The following ZNF207 variants were observed in gnomAD, a reference collection of about 807,000 sequenced individuals.
ZNF207 encodes the protein zinc finger protein 207, also known as BUB3-interacting and GLEBS motif-containing protein ZNF207.
In ZNF207, 24 loss-of-function variants were observed where a neutral mutation model predicts 60.2. The ratio of observed to expected loss-of-function variants is 0.40; its 90% CI spans 0.29 to 0.56. The LOEUF is 0.56. ZNF207 is among the 20% of genes least tolerant of loss of function. ZNF207 has a pLI of 0.49. For missense variants in ZNF207, 452 were observed against 636.6 expected (o/e 0.71, Z 3.12); for synonymous variants, 236 against 194.7 (o/e 1.21, Z -1.77).
chr17:32,368,667 G>T (rs1055893799), intron 10 of ZNF207, among the ~76,000 whole-genome samples: 1 of 151,032 alleles, frequency 6.6e-6, no homozygotes, highest in Non-Finnish European at 1.5e-5. Context: ...CTCCAGCCTG[G>T]GCAACAGAGC....
Position 32,358,628 on chromosome 17 carries a change from A to G in ZNF207, c.294A>G (p.Glu98=). 1 of 1,503,768 alleles carries G rather than the reference A, an allele frequency of 6.6e-7. No individual in the cohort carries two copies. The highest frequency in any genetic ancestry group is 1.5e-5 in the African/African-American group (1 of 68,950). 93.2% of individuals were successfully genotyped at this position (1,503,768 alleles called of 1,614,324 possible). ...KDMDERRRLL[E]QKTQESQKKK... is the part of the protein sequence containing the mutation. Reference sequence around the variant, plus strand: ...TGGATGAAAGACGACGACTTCTTGAACAGAAAACACAAGGTAAATATTGGG... The same window carrying G: ...TGGATGAAAGACGACGACTTCTTGAGCAGAAAACACAAGGTAAATATTGGG... Residue 98 remains glutamate, a synonymous_variant, in exon 3 of 12, where the codon GAA becomes GAG. Transcript: ENST00000394670.
At position 32,350,157 on chromosome 17, in the gene ZNF207, G is replaced by A. The variant is rs1023054044; in HGVS notation, c.-129G>A. The A allele has an allele frequency of 1.9e-5, 28 of 1,479,616 alleles. No homozygotes were observed. Among genetic ancestry groups the A allele is most frequent in the East Asian group, 1.1e-4 (5 of 43,650 alleles). The allele number at this position is 1,479,616 out of a possible 1,614,324, so 91.7% of individuals were successfully genotyped here. On this transcript the variant is annotated 5_prime_UTR_variant, in exon 1 of 12. Coordinates refer to ENST00000394670, the MANE Select transcript of ZNF207 (RefSeq NM_001098507.2). ...GGGAGGCGGAGCGGGGAACGAGGCC[G>A]TCGGCCATTTTGTGTCTGCTTCCTG...
rs915409209 is a variant in ZNF207 at position 32,377,768 on chromosome 17, A to C, written c.*8009A>C. 6.6e-6 allele frequency: 1 copy of C among 152,070 alleles called. No homozygotes were observed. Among genetic ancestry groups the C allele is most frequent in the African/African-American group, 2.4e-5 (1 of 41,386 alleles). The allele number at this position is 152,070 out of a possible 1,614,324, so 9.4% of individuals were successfully genotyped here. On this transcript the variant is annotated 3_prime_UTR_variant, in exon 12 of 12. Transcript: ENST00000394670. ...TAGCTCATTCTAAATAGCCAATATA[A>C]GGTAACTTCTGTTTAAAAAAAAAAA...
At chr17:32,365,535 G>A in intron 8 of ZNF207, 48 bp downstream of exon 8, 3 of 1,570,438 alleles carry the variant, frequency 1.9e-6, no homozygotes, top group Non-Finnish European at 1.7e-6. Flanking sequence ...TAAAGATAAA[G>A]TACAGTTGTT....
intron 11 of ZNF207, 57 bp downstream of exon 11, chr17:32,369,511 A>G: frequency 6.2e-7 from 1 of 1,603,804 alleles, no homozygotes; most frequent in East Asian, 2.2e-5. Flanking sequence ...CACGCATAAA[A>G]TATTAAATTT....
Position 32,367,966 on chromosome 17 carries a change from A to T in ZNF207, c.1116A>T (p.Thr372=). Residue 372 remains threonine (T), a synonymous_variant, in exon 10 of 12, where the codon ACA becomes ACT. Coordinates refer to ENST00000394670, the MANE Select transcript of ZNF207 (RefSeq NM_001098507.2). ...CAAGTAAGCCTGCTACACTTACAAC[A>T]ACTAGTGCAACCAGTAAGTTGATCC... The part of the protein sequence containing the change: ...SITSKPATLT[T]TSATSKLIHP... 2 of 1,614,192 alleles carry T rather than the reference A, an allele frequency of 1.2e-6. No homozygotes were observed. The highest frequency in any genetic ancestry group is 1.7e-6 in the Non-Finnish European group (2 of 1,180,034).
chr17:32,350,931 G>C (rs2041494534), intron 1 of ZNF207: 4 of 151,220 alleles, frequency 2.6e-5, no homozygotes, highest in Admixed American at 2.6e-4. Context: ...CGTTCTCACA[G>C]GGCGGAGTTT....
intron 3 of ZNF207, among the ~76,000 whole-genome samples, chr17:32,359,594 G>C (rs1008733776): frequency 6.7e-6 from 1 of 148,236 alleles, no homozygotes; most frequent in Non-Finnish European, 1.5e-5. Context: ...CCCAGAGTTA[G>C]TATTTTCAAT....
chr17:32,373,318 TAA>T lies in ZNF207; in HGVS notation c.*3569_*3570del. The T allele has an allele frequency of 1.3e-5, 7 of 552,168 alleles. No individual in the cohort carries two copies. The highest frequency in any genetic ancestry group is 2.1e-5 in the South Asian group (1 of 48,092). The allele number at this position is 552,168 out of a possible 1,614,324, so 34.2% of individuals were successfully genotyped here. A position where few individuals can be genotyped will look rare whatever the true frequency, so the allele number is the denominator to read the frequency against. On this transcript the variant is annotated 3_prime_UTR_variant, in exon 12 of 12. Transcript: ENST00000394670. ...TTGCTTGCTTGATCATTGGGATTTTTAAAAAAAAAAATTTTAATGCATGTCTT... is the reference window on the plus strand; with the variant it reads ...TTGCTTGCTTGATCATTGGGATTTTTAAAAAAAAATTTTAATGCATGTCTT...
Position 32,373,317 on chromosome 17 carries a change from T to A in ZNF207, c.*3558T>A. ...TTTGCTTGCTTGATCATTGGGATTT[T>A]TAAAAAAAAAAATTTTAATGCATGT... On this transcript the variant is annotated 3_prime_UTR_variant, in exon 12 of 12. Transcript: ENST00000394670. 1.6e-6 allele frequency: 1 copy of A among 628,284 alleles called. No homozygotes were observed. The highest frequency in any genetic ancestry group is 2.6e-5 in the Admixed American group (1 of 38,422). The allele number at this position is 628,284 out of a possible 1,614,324, so 38.9% of individuals were successfully genotyped here.
At chr17:32,354,107 C>T (rs1344483941) in intron 2 of ZNF207, among the ~76,000 whole-genome samples, 2 of 152,042 alleles carry the variant, frequency 1.3e-5, no homozygotes, top group East Asian at 1.9e-4. Context: ...TCCTGAGTAC[C>T]TGGGACAACA....
At position 32,358,477 on chromosome 17, in the gene ZNF207, T is replaced by G. The variant is rs774585118; in HGVS notation, c.169-26T>G. 21 of 1,525,582 alleles carry G rather than the reference T, an allele frequency of 1.4e-5. No homozygotes were observed. The East Asian group carries it at 2.1e-4, about 15-fold the overall frequency. 94.5% of individuals were successfully genotyped at this position (1,525,582 alleles called of 1,614,324 possible). A position where few individuals can be genotyped will look rare whatever the true frequency, so the allele number is the denominator to read the frequency against. The stretch of plus-strand genomic sequence containing the variant: ...TGGAATTATTCTTAAAAAAGACTTT[T>G]ATCTAATGGAAATTGTTGTTGTTAG... On this transcript the variant is annotated intron_variant, in intron 2 of 11. Transcript: ENST00000394670.
rs10525886 is a variant in ZNF207, at chr17:32,367,239, TTATATATATATA to T, written c.922-498_922-487del. ...CCAGCCATTGTTAATTTGGAGGGGA[TTATATATATATA>T]TATATATATATATATATATATATAT... is the stretch of plus-strand genomic sequence containing the variant. On this transcript the variant is annotated intron_variant, in intron 9 of 11. Transcript: ENST00000394670. Among the ~76,000 whole-genome samples the T allele has an allele frequency of 3.9e-3, 127 of 32,188 alleles. 2 individuals are homozygous for T. Among genetic ancestry groups the T allele is most frequent in the South Asian group, 0.019 (13 of 702 alleles). The allele number at this position is 32,188 out of a possible 152,430, so 21.1% of individuals were successfully genotyped here.
chr17:32,356,292 T>G (rs564258411), intron 2 of ZNF207, among the ~76,000 whole-genome samples: 53 of 152,266 alleles, frequency 3.5e-4, no homozygotes, highest in African/African-American at 1.2e-3. Context: ...CTCAAAAATG[T>G]AGTGAAGATT....
chr17:32,360,183 C>T (rs200631199), intron 3 of ZNF207, among the ~76,000 whole-genome samples: 1 of 112,582 alleles, frequency 8.9e-6, no homozygotes, highest in East Asian at 2.0e-4. Flanking sequence ...TTTACCCCCC[C>T]CCCAAAAAAA....
At chr17:32,356,867 A>G (rs1357772760) in intron 2 of ZNF207, among the ~76,000 whole-genome samples, 1 of 152,220 alleles carries the variant, frequency 6.6e-6, no homozygotes, top group Non-Finnish European at 1.5e-5. Flanking sequence ...CCAGATTTTC[A>G]GTGTGTTGCA....
chr17:32,373,505 G>C lies in ZNF207; in HGVS notation c.*3746G>C, dbSNP rs1905554951. The stretch of plus-strand genomic sequence containing the variant: ...TAGGGGCTTTCACAGCTTTATGGCT[G>C]TTGGATATTTATGTCCCCAAACTTG... On this transcript the variant is annotated 3_prime_UTR_variant, in exon 12 of 12. Coordinates refer to ENST00000394670, the MANE Select transcript of ZNF207 (RefSeq NM_001098507.2). The C allele has an allele frequency of 2.0e-6, 1 of 494,594 alleles. No homozygotes were observed. Among genetic ancestry groups the C allele is most frequent in the Non-Finnish European group, 3.6e-6 (1 of 274,058 alleles). The allele number at this position is 494,594 out of a possible 1,614,324, so 30.6% of individuals were successfully genotyped here.
chr17:32,378,275 ATATGGAG>A lies in ZNF207; in HGVS notation c.*8518_*8524del. 6.6e-6 allele frequency: 1 copy of A among 152,138 alleles called. No individual in the cohort carries two copies. Among genetic ancestry groups the A allele is most frequent in the Non-Finnish European group, 1.5e-5 (1 of 67,898 alleles). 9.4% of individuals were successfully genotyped at this position (152,138 alleles called of 1,614,324 possible). A position where few individuals can be genotyped will look rare whatever the true frequency, so the allele number is the denominator to read the frequency against. The stretch of plus-strand genomic sequence containing the variant: ...TTGGCTATGCCCTTGTTGATAGATG[ATATGGAG>A]TCCAGGGCTTTGGGTCCAGGGTCTT... On this transcript the variant is annotated 3_prime_UTR_variant, in exon 12 of 12. Coordinates refer to ENST00000394670, the MANE Select transcript of ZNF207 (RefSeq NM_001098507.2).
chr17:32,369,666 G>T lies in ZNF207; in HGVS notation c.1392G>T (p.Gln464His). Reference protein sequence around the residue: ...YLPGAMPPYGQGPPMVPPYQG... With the variant: ...YLPGAMPPYGHGPPMVPPYQG... ...CTGGTGCTATGCCCCCGTATGGGCA[G>T]GGACCGCCAATGGTGCCCCCTTACC... The change falls in exon 12 of 12, where the codon CAG (glutamine) becomes CAT (histidine). Residue 464 changes from glutamine to histidine, a missense_variant. Gln to His is a conservative substitution (Grantham distance 24). Transcript: ENST00000394670. 1 of 1,600,060 alleles carries T rather than the reference G, an allele frequency of 6.2e-7. No individual in the cohort carries two copies. The highest frequency in any genetic ancestry group is 1.1e-5 in the South Asian group (1 of 88,852).
Sources: allele counts gnomAD v4.1 joint callset (sites outside exome capture counted in the v4.1 genomes callset), GRCh38; gene constraint gnomAD v4.1.1; transcripts MANE v1.5; gene names NCBI Gene and HGNC (gene_info 2026-07-23, HGNC 2026-07-21).